The following KDM4B variants were observed in gnomAD, a reference collection of about 807,000 sequenced individuals.
KDM4B encodes lysine demethylase 4B.
In KDM4B, 32 loss-of-function variants were observed where a neutral mutation model predicts 125.2. That is an observed-to-expected ratio of 0.26 (90% confidence interval 0.19 to 0.34). The LOEUF is 0.34. KDM4B is among the 10% of genes least tolerant of loss of function. The pLI is 1.00. For synonymous variants in KDM4B, 721 were observed against 677.9 expected, an observed-to-expected ratio of 1.06 and a Z score of -0.99; for missense variants, 1,190 against 1,577.7, an observed-to-expected ratio of 0.75 and a Z score of 4.16.
At chr19:5,074,961 C>G (rs1445437682) in intron 7 of KDM4B, 1 of 152,336 alleles carries the variant, frequency 6.6e-6, no homozygotes, top group East Asian at 1.9e-4. Flanking sequence ...GCGTGACACC[C>G]CACACCTCTG....
At chr19:4,977,545 G>T (rs1033047895) in intron 1 of KDM4B, among the ~76,000 whole-genome samples, 14 of 152,326 alleles carry the variant, frequency 9.2e-5, no homozygotes, top group Non-Finnish European at 1.6e-4. Flanking sequence ...CGGCAGTGGC[G>T]GTGGGCCTGT....
chr19:5,089,787 G>C (rs751101971), intron 9 of KDM4B, among the ~76,000 whole-genome samples: 3 of 151,832 alleles, frequency 2.0e-5, no homozygotes, highest in Non-Finnish European at 4.4e-5. Flanking sequence ...CCATTCCTAG[G>C]TGCTTCTTGA....
At chr19:5,018,171 C>T (rs1205313764) in intron 2 of KDM4B, among the ~76,000 whole-genome samples, 14 of 152,042 alleles carry the variant, frequency 9.2e-5, no homozygotes, top group Admixed American at 6.6e-4. Context: ...CCTGAGTAGC[C>T]GGGACTACAG....
intron 11 of KDM4B, among the ~76,000 whole-genome samples, chr19:5,124,385 C>A (rs1393430029): frequency 6.6e-6 from 1 of 152,164 alleles, no homozygotes; most frequent in African/African-American, 2.4e-5. Flanking sequence ...CCTGGGAAGG[C>A]TTTTACAGAG....
intron 9 of KDM4B, among the ~76,000 whole-genome samples, chr19:5,094,973 A>G (rs1217855012): frequency 1.3e-5 from 2 of 151,948 alleles, no homozygotes; most frequent in Non-Finnish European, 2.9e-5. Context: ...AGGGGTCTGC[A>G]GCTCGGGGGC....
chr19:5,097,888 T>G (rs1208846039), intron 9 of KDM4B, among the ~76,000 whole-genome samples: 1 of 152,304 alleles, frequency 6.6e-6, no homozygotes, highest in Non-Finnish European at 1.5e-5. Context: ...GGAACCCTCC[T>G]CCTCCTCAGC....
In KDM4B at chr19:5,137,605, T is replaced by C; in HGVS notation, c.2386-16T>C. 1 of 1,602,924 alleles carries C rather than the reference T, an allele frequency of 6.2e-7. No individual in the cohort carries two copies. The highest frequency in any genetic ancestry group is 1.3e-5 in the African/African-American group (1 of 75,014). Reference sequence around the variant, plus strand: ...GCTCCGAGCCCTGCTCATCCAGGGCTGTCTGGTCTCCACAGGAGTGCTGCC... The same window carrying C: ...GCTCCGAGCCCTGCTCATCCAGGGCCGTCTGGTCTCCACAGGAGTGCTGCC... On this transcript the variant is annotated splice_polypyrimidine_tract_variant and intron_variant, in intron 16 of 22. Coordinates refer to ENST00000159111, the MANE Select transcript of KDM4B (RefSeq NM_015015.3).
chr19:5,087,421 C>T (rs961645850), intron 9 of KDM4B, among the ~76,000 whole-genome samples: 4 of 152,220 alleles, frequency 2.6e-5, no homozygotes, highest in Non-Finnish European at 5.9e-5. Context: ...GGACCTGCTC[C>T]CCTCGGGGCT....
intron 6 of KDM4B, among the ~76,000 whole-genome samples, chr19:5,057,140 A>G (rs2037436256): frequency 6.7e-6 from 1 of 150,284 alleles, no homozygotes; most frequent in Non-Finnish European, 1.5e-5. Context: ...CACGGCCCCC[A>G]CCTGTGCCTC....
chr19:5,151,926 A>C lies in KDM4B; in HGVS notation c.*415A>C. The C allele has an allele frequency of 1.8e-5, 3 of 165,114 alleles. No homozygotes were observed. The highest frequency in any genetic ancestry group is 6.4e-5 in the Admixed American group (1 of 15,602). 10.2% of individuals were successfully genotyped at this position (165,114 alleles called of 1,614,324 possible). A position where few individuals can be genotyped will look rare whatever the true frequency, so the allele number is the denominator to read the frequency against. ...AGGAAAACAAAGGAAAATATCCCCA[A>C]AGTTGTTTTCTAGATTTGTGGCTTT... On this transcript the variant is annotated 3_prime_UTR_variant, in exon 23 of 23. Transcript: ENST00000159111.
chr19:5,057,687 C>T (rs1254405360), intron 6 of KDM4B, among the ~76,000 whole-genome samples: 1 of 152,154 alleles, frequency 6.6e-6, no homozygotes, highest in East Asian at 1.9e-4. Context: ...GTCCGATCTG[C>T]CCTTGAAGCG....
intron 22 of KDM4B, among the ~76,000 whole-genome samples, chr19:5,150,722 C>G (rs141230104): frequency 0.032 from 4,869 of 152,204 alleles, 174 homozygotes; most frequent in Admixed American, 0.093. Context: ...CCCCTTATCA[C>G]GAATGCAGAA....
rs2039753335 is a variant in KDM4B at position 5,142,039 on chromosome 19, G to T, written c.2551-1928G>T. On this transcript the variant is annotated intron_variant, in intron 18 of 22. Coordinates refer to ENST00000159111, the MANE Select transcript of KDM4B (RefSeq NM_015015.3). The surrounding 1 kb of genome is among the most constrained non-coding windows in gnomAD (Gnocchi z 5.4). ...GGACAGCCACTGCGCCTCAGTGTGT[G>T]ACAGGCTGAGGACACAGCTTCATGG... Among the ~76,000 whole-genome samples, 1 of 152,192 alleles carries T rather than the reference G, an allele frequency of 6.6e-6. No homozygotes were observed. The highest frequency in any genetic ancestry group is 2.1e-4 in the South Asian group (1 of 4,834).
chr19:5,015,243 T>G (rs996098031), intron 1 of KDM4B, among the ~76,000 whole-genome samples: 1 of 151,372 alleles, frequency 6.6e-6, no homozygotes, highest in Non-Finnish European at 1.5e-5. Flanking sequence ...GCAGGTCAGG[T>G]TGTGAAAGTC....
intron 8 of KDM4B, among the ~76,000 whole-genome samples, chr19:5,079,763 C>T (rs1000243383): frequency 2.0e-5 from 3 of 152,264 alleles, no homozygotes; most frequent in African/African-American, 7.2e-5. Context: ...GATGGGGTCT[C>T]ACTCTGTTGT....
Position 5,035,880 on chromosome 19 carries a change from T to TGTGCGCGC in KDM4B, c.141+2850_141+2851insTGCGCGCG, listed in dbSNP as rs58219404. ...ACGTGTCTCTGTGTGTGTGTGTGTG[T>TGTGCGCGC]GCGCGCGCGCGCGCGCCTGCGCGCA... On this transcript the variant is annotated intron_variant, in intron 3 of 22. Coordinates refer to ENST00000159111, the MANE Select transcript of KDM4B (RefSeq NM_015015.3). This position sits in a 1 kb window ranked among gnomAD's most constrained non-coding sequence, Gnocchi z 5.3. 2.9e-5 allele frequency among the ~76,000 whole-genome samples: 4 copies of TGTGCGCGC among 136,400 alleles called. No individual in the cohort carries two copies. The allele number at this position is 136,400 out of a possible 152,430, so 89.5% of individuals were successfully genotyped here. A position where few individuals can be genotyped will look rare whatever the true frequency, so the allele number is the denominator to read the frequency against.
In KDM4B at chr19:5,037,708, T is replaced by C. The variant is rs116678622; in HGVS notation, c.142-2128T>C. Among the ~76,000 whole-genome samples, 936 of 152,354 alleles carry C rather than the reference T, an allele frequency of 6.1e-3. 8 individuals carry two copies. Among genetic ancestry groups the C allele is most frequent in the African/African-American group, 0.022 (902 of 41,586 alleles). On this transcript the variant is annotated intron_variant, in intron 3 of 22. Coordinates refer to ENST00000159111, the MANE Select transcript of KDM4B (RefSeq NM_015015.3). ...CGCCATCCTGGGCATTGCAGGGTGC[T>C]GAGCAGCTTCCCTGGCCTCCATCTA...
intron 11 of KDM4B, among the ~76,000 whole-genome samples, chr19:5,129,423 G>A (rs1568315004): frequency 6.6e-6 from 1 of 152,218 alleles, no homozygotes; most frequent in African/African-American, 2.4e-5. Context: ...ATCACGGACT[G>A]TGGAGCTGGG....
At chr19:4,970,455 G>T (rs547608852) in intron 1 of KDM4B, among the ~76,000 whole-genome samples, 1 of 152,088 alleles carries the variant, frequency 6.6e-6, no homozygotes, top group Non-Finnish European at 1.5e-5. Context: ...GTCCCACCGG[G>T]TGCCTGCACT....
Sources: gnomAD v4.1 joint callset for allele counts (sites outside exome capture counted in the v4.1 genomes callset) on GRCh38, gnomAD v4.1.1 for gene constraint, Gnocchi (gnomAD v3.1) non-coding constraint, MANE v1.5 for transcripts, NCBI Gene and HGNC (gene_info 2026-07-23, HGNC 2026-07-21) for gene names.